PTPRM: variants seen among roughly 807,000 people sequenced by gnomAD.
PTPRM encodes protein tyrosine phosphatase receptor type M.
Under a neutral mutation model 186.7 loss-of-function variants are expected in PTPRM, and 47 were observed. The observed-to-expected ratio is 0.25, with a 90% CI of 0.20 to 0.32. The LOEUF is 0.32. Among genes scored for constraint, PTPRM ranks in the 10% least tolerant of loss-of-function variants. The pLI is 1.00. For synonymous variants in PTPRM, 668 were observed against 674.9 expected, an observed-to-expected ratio of 0.99 and a Z score of 0.16; for missense variants, 1,494 against 1,865.0, an observed-to-expected ratio of 0.80 and a Z score of 3.66.
intron 2 of PTPRM, among the ~76,000 whole-genome samples, chr18:7,801,387 A>C (rs1360646254): frequency 2.6e-5 from 4 of 152,110 alleles, no homozygotes; most frequent in Non-Finnish European, 4.4e-5. Flanking sequence ...CTGATATATC[A>C]CTGTCTTCAA....
intron 1 of PTPRM, among the ~76,000 whole-genome samples, chr18:7,678,837 A>G (rs1006552052): frequency 4.6e-5 from 7 of 152,110 alleles, no homozygotes; most frequent in Admixed American, 1.3e-4. Flanking sequence ...CTTTCAGACT[A>G]TTTTCATATT....
chr18:7,706,601 CAAAAAAAAAAA>C (rs766639399), intron 1 of PTPRM, among the ~76,000 whole-genome samples: 1 of 16,130 alleles, frequency 6.2e-5, no homozygotes, highest in East Asian at 2.2e-3. Flanking sequence ...GACCTTGTCT[CAAAAAAAAAAA>C]AAAAAAAAAA....
chr18:8,075,432 G>A lies in PTPRM; in HGVS notation c.1442-1023G>A, dbSNP rs994172967. On this transcript the variant is annotated intron_variant, in intron 8 of 32. Coordinates refer to ENST00000580170, the MANE Select transcript of PTPRM (RefSeq NM_001105244.2). The stretch of plus-strand genomic sequence containing the variant: ...TCATCACCAAAAAATGTGATCATGT[G>A]CCCCAAAATATATGCATATTTATAA... Among the ~76,000 whole-genome samples the A allele has an allele frequency of 4.6e-5, 7 of 152,090 alleles. No homozygotes were observed. The East Asian group carries it at 9.7e-4, about 21-fold the overall frequency.
intron 7 of PTPRM, among the ~76,000 whole-genome samples, chr18:7,959,220 A>G (rs2053512226): frequency 6.6e-6 from 1 of 152,284 alleles, no homozygotes; most frequent in East Asian, 1.9e-4. Context: ...GTCTTTTAAT[A>G]TTTTCATTCA....
At chr18:7,624,883 C>T (rs141467734) in intron 1 of PTPRM, among the ~76,000 whole-genome samples, 48 of 152,246 alleles carry the variant, frequency 3.2e-4, no homozygotes, top group South Asian at 8.3e-4. Flanking sequence ...CAGTGCTGGG[C>T]GTGTAGCAAG....
chr18:8,367,791 C>T (rs760128055), intron 23 of PTPRM, among the ~76,000 whole-genome samples: 1 of 152,232 alleles, frequency 6.6e-6, no homozygotes, highest in Admixed American at 6.5e-5. Context: ...TCCCTCATTT[C>T]TGAGCACTGA....
At chr18:8,184,146 C>T (rs916874917) in intron 14 of PTPRM, among the ~76,000 whole-genome samples, 3 of 152,148 alleles carry the variant, frequency 2.0e-5, no homozygotes, top group Non-Finnish European at 4.4e-5. Context: ...CTGCTCCCTC[C>T]GTTTCTTTGC....
At chr18:8,215,665 C>T (rs1252768419) in intron 14 of PTPRM, among the ~76,000 whole-genome samples, 1 of 151,314 alleles carries the variant, frequency 6.6e-6, no homozygotes, top group Non-Finnish European at 1.5e-5. Context: ...ATCTCAGTCT[C>T]CTGAGTAGCT....
At chr18:8,151,340 A>T (rs1436978336) in intron 14 of PTPRM, among the ~76,000 whole-genome samples, 1 of 151,764 alleles carries the variant, frequency 6.6e-6, no homozygotes, top group Non-Finnish European at 1.5e-5. Context: ...AGGAAGGAGA[A>T]ATCTGGCAGT....
At chr18:7,750,723 C>T (rs554724098) in intron 1 of PTPRM, among the ~76,000 whole-genome samples, 1 of 152,338 alleles carries the variant, frequency 6.6e-6, no homozygotes, top group Admixed American at 6.5e-5. Context: ...CAGGTTACTT[C>T]ATTTGGCTTC....
chr18:8,066,375 A>C (rs578098728), intron 7 of PTPRM, among the ~76,000 whole-genome samples: 152 of 152,118 alleles, frequency 1.0e-3, no homozygotes, highest in Non-Finnish European at 1.8e-3. Flanking sequence ...ATCCCTCTTA[A>C]CTTTGCGTTT....
chr18:8,168,184 C>T (rs1275973386), intron 14 of PTPRM, among the ~76,000 whole-genome samples: 2 of 152,110 alleles, frequency 1.3e-5, no homozygotes, highest in Non-Finnish European at 2.9e-5. Flanking sequence ...TAGTATTAGT[C>T]TGAAAAGTAG....
At chr18:7,765,324 A>G (rs2041968592) in intron 1 of PTPRM, among the ~76,000 whole-genome samples, 2 of 152,336 alleles carry the variant, frequency 1.3e-5, no homozygotes, top group South Asian at 4.1e-4. Context: ...AGAGCATAGC[A>G]TTAGCCATTT....
At chr18:8,100,363 A>G (rs2091238968) in intron 11 of PTPRM, among the ~76,000 whole-genome samples, 1 of 151,886 alleles carries the variant, frequency 6.6e-6, no homozygotes, top group African/African-American at 2.4e-5. Flanking sequence ...CTGGTTGTGA[A>G]CTCCTGACCT....
intron 7 of PTPRM, among the ~76,000 whole-genome samples, chr18:8,033,780 G>A (rs748833601): frequency 5.9e-5 from 9 of 152,156 alleles, no homozygotes; most frequent in Non-Finnish European, 8.8e-5. Flanking sequence ...CCTTTTACTA[G>A]TTATTGTAAC....
At chr18:8,166,771 C>A (rs1240788346) in intron 14 of PTPRM, among the ~76,000 whole-genome samples, 1 of 152,198 alleles carries the variant, frequency 6.6e-6, no homozygotes, top group Non-Finnish European at 1.5e-5. Flanking sequence ...ACTGAGCAAA[C>A]TAAGTTGCTT....
intron 5 of PTPRM, among the ~76,000 whole-genome samples, chr18:7,941,526 T>G (rs1288787142): frequency 6.6e-6 from 1 of 152,276 alleles, no homozygotes; most frequent in Non-Finnish European, 1.5e-5. Context: ...TAATTTATTG[T>G]TTGGCTTTGT....
At chr18:7,620,306 A>T (rs2037907174) in intron 1 of PTPRM, among the ~76,000 whole-genome samples, 1 of 151,198 alleles carries the variant, frequency 6.6e-6, no homozygotes, top group African/African-American at 2.4e-5. Context: ...TCTACCCGCT[A>T]AGTCTGTTTC....
chr18:7,777,631 T>A (rs761724901), intron 2 of PTPRM, among the ~76,000 whole-genome samples: 3 of 152,230 alleles, frequency 2.0e-5, no homozygotes, highest in Non-Finnish European at 2.9e-5. Flanking sequence ...TCTATATTCA[T>A]ATAATTATTA....
Sources: gnomAD v4.1 joint callset for allele counts (sites outside exome capture counted in the v4.1 genomes callset) on GRCh38, gnomAD v4.1.1 for gene constraint, MANE v1.5 for transcripts, NCBI Gene and HGNC (gene_info 2026-07-23, HGNC 2026-07-21) for gene names.